Variants in CWC27 observed in about 807,000 individuals in gnomAD.
CWC27 encodes CWC27 spliceosome associated cyclophilin.
Under a neutral mutation model 63.6 loss-of-function variants are expected in CWC27, and 47 were observed. That is an observed-to-expected ratio of 0.74 (90% CI 0.58 to 0.94). The LOEUF (loss-of-function observed/expected upper bound fraction) is 0.94. CWC27 is among the 40% of genes least tolerant of loss of function. The probability of loss-of-function intolerance (pLI) is 0.00; values close to 1 mark genes in which losing one functional copy is unlikely to be tolerated. For missense variants in CWC27, 495 were observed against 554.3 expected (o/e 0.89, Z 1.07); for synonymous variants, 175 against 179.8 (o/e 0.97, Z 0.22).
At chr5:64,876,575 C>A (rs1746799117) in intron 10 of CWC27, among the ~76,000 whole-genome samples, 1 of 152,094 alleles carries the variant, frequency 6.6e-6, no homozygotes, top group Non-Finnish European at 1.5e-5. Flanking sequence ...AAGAAACTAA[C>A]ACATATTCCA....
At chr5:64,985,627 T>G (rs1337658135) in intron 13 of CWC27, among the ~76,000 whole-genome samples, 2 of 152,254 alleles carry the variant, frequency 1.3e-5, no homozygotes, top group Non-Finnish European at 2.9e-5. Context: ...TGCAACATTG[T>G]GAAACTCACT....
At chr5:65,007,753 A>T (rs992173881) in intron 13 of CWC27, among the ~76,000 whole-genome samples, 1 of 149,848 alleles carries the variant, frequency 6.7e-6, no homozygotes, top group Admixed American at 6.7e-5. Flanking sequence ...TCAGCCTCCC[A>T]TGTAGCTGGG....
chr5:65,000,952 C>A (rs537823106), intron 13 of CWC27, among the ~76,000 whole-genome samples: 101 of 152,072 alleles, frequency 6.6e-4, no homozygotes, highest in African/African-American at 2.3e-3. Flanking sequence ...TCTTTTGATC[C>A]ATAAGCAGAG....
At chr5:64,795,647 T>C (rs1744240105) in intron 7 of CWC27, among the ~76,000 whole-genome samples, 2 of 152,160 alleles carry the variant, frequency 1.3e-5, no homozygotes, top group African/African-American at 4.8e-5. Flanking sequence ...ATTGACTCTA[T>C]TGCTTCCCTC....
intron 13 of CWC27, among the ~76,000 whole-genome samples, chr5:65,016,570 T>G (rs537629278): frequency 3.9e-5 from 6 of 152,282 alleles, no homozygotes; most frequent in African/African-American, 1.2e-4. Context: ...TCATTTCTAC[T>G]TATTGCTTTC....
chr5:64,846,612 A>G (rs1478621937), intron 10 of CWC27, among the ~76,000 whole-genome samples: 2 of 152,230 alleles, frequency 1.3e-5, no homozygotes, highest in African/African-American at 4.8e-5. Flanking sequence ...AAAGCATACC[A>G]CTATAGAAAA....
chr5:64,773,404 G>A (rs565283597), intron 1 of CWC27, among the ~76,000 whole-genome samples: 1 of 151,940 alleles, frequency 6.6e-6, no homozygotes, highest in South Asian at 2.1e-4. Context: ...TGTTTAATAG[G>A]CAAATCTACA....
intron 11 of CWC27, among the ~76,000 whole-genome samples, chr5:64,941,457 A>G (rs1328417180): frequency 1.3e-5 from 2 of 152,184 alleles, no homozygotes; most frequent in Non-Finnish European, 2.9e-5. Flanking sequence ...TATATTATTT[A>G]AAAATTTATC....
chr5:64,840,392 AAAATATATATATATATAT>A (rs1316160737), intron 10 of CWC27, among the ~76,000 whole-genome samples: 3 of 21,908 alleles, frequency 1.4e-4, no homozygotes, highest in African/African-American at 3.7e-4. Flanking sequence ...AAAAAAAAAA[AAAATATATATATATATAT>A]ATATATATAT....
At chr5:65,003,114 G>T (rs150481948) in intron 13 of CWC27, among the ~76,000 whole-genome samples, 190 of 152,254 alleles carry the variant, frequency 1.2e-3, no homozygotes, top group African/African-American at 4.4e-3. Context: ...TCTGCTCACT[G>T]TTTGGTTTCT....
intron 10 of CWC27, among the ~76,000 whole-genome samples, chr5:64,824,728 CTTTTTTTT>C (rs768576527): frequency 1.1e-5 from 1 of 91,986 alleles, no homozygotes; most frequent in Admixed American, 1.1e-4. Flanking sequence ...TTTCTTTTCT[CTTTTTTTT>C]TTTTTTTTTT....
chr5:64,771,203 A>G (rs1289180707), intron 1 of CWC27, among the ~76,000 whole-genome samples: 1 of 152,222 alleles, frequency 6.6e-6, no homozygotes, highest in Non-Finnish European at 1.5e-5. Context: ...TAAGTTCTGT[A>G]AGGTTAAGAG....
At chr5:64,939,915 G>A (rs567907776) in intron 11 of CWC27, among the ~76,000 whole-genome samples, 1 of 152,200 alleles carries the variant, frequency 6.6e-6, no homozygotes, top group Admixed American at 6.5e-5. Context: ...TGTTTACACT[G>A]TGAGGGGAAA....
chr5:64,999,539 C>G (rs978596652), intron 13 of CWC27, among the ~76,000 whole-genome samples: 1 of 152,054 alleles, frequency 6.6e-6, no homozygotes, highest in African/African-American at 2.4e-5. Flanking sequence ...TGTATACTTC[C>G]ATGAGATCAA....
At chr5:64,944,957 T>C (rs1748559325) in intron 11 of CWC27, among the ~76,000 whole-genome samples, 1 of 152,140 alleles carries the variant, frequency 6.6e-6, no homozygotes, top group Non-Finnish European at 1.5e-5. Context: ...TCCCCTTCTG[T>C]TTACCTCTCT....
At chr5:64,928,379 G>T (rs752831851) in intron 11 of CWC27, among the ~76,000 whole-genome samples, 6 of 152,116 alleles carry the variant, frequency 3.9e-5, no homozygotes, top group African/African-American at 7.2e-5. Context: ...ATAATGACAA[G>T]TCTGCTTGGT....
chr5:64,841,752 TG>T (rs1745849057), intron 10 of CWC27, among the ~76,000 whole-genome samples: 1 of 152,232 alleles, frequency 6.6e-6, no homozygotes. Flanking sequence ...CGCGGCTCAC[TG>T]CAACCTCCGC....
At chr5:64,791,366 A>G (rs1284805453) in intron 7 of CWC27, among the ~76,000 whole-genome samples, 1 of 152,178 alleles carries the variant, frequency 6.6e-6, no homozygotes, top group Non-Finnish European at 1.5e-5. Context: ...GTATGTTTAC[A>G]TTATACTGAA....
At chr5:64,790,289 C>T (rs1205482435) in intron 7 of CWC27, among the ~76,000 whole-genome samples, 2 of 152,018 alleles carry the variant, frequency 1.3e-5, no homozygotes, top group African/African-American at 4.8e-5. Flanking sequence ...CATTTTTTTA[C>T]AAAAACTTCA....
Sources: gnomAD v4.1 joint callset for allele counts (sites outside exome capture counted in the v4.1 genomes callset) on GRCh38, gnomAD v4.1.1 for gene constraint, MANE v1.5 for transcripts, NCBI Gene and HGNC (gene_info 2026-07-23, HGNC 2026-07-21) for gene names.